The following FAM161A variants were observed in gnomAD, a reference collection of about 807,000 sequenced individuals.
FAM161A encodes the protein FAM161 centrosomal protein A.
FAM161A carries 57 observed loss-of-function variants against 70.9 expected under a neutral mutation model. The ratio of observed to expected loss-of-function variants is 0.80; its 90% confidence interval spans 0.65 to 1.00. FAM161A has a LOEUF of 1.00. FAM161A is among the 50% of genes least tolerant of loss of function. FAM161A has a pLI of 0.00. For synonymous variants in FAM161A, 299 were observed against 295.7 expected (o/e 1.01, Z -0.12); for missense variants, 880 against 836.0 (o/e 1.05, Z -0.65).
intron 5 of FAM161A, among the ~76,000 whole-genome samples, chr2:61,830,346 C>T (rs1672520534): frequency 1.3e-5 from 2 of 152,092 alleles, no homozygotes; most frequent in South Asian, 4.2e-4. Flanking sequence ...CTCTCAATGA[C>T]CAGCTGAATG....
downstream of FAM161A, chr2:61,820,489 C>T: frequency 1.3e-6 from 1 of 754,618 alleles, no homozygotes; most frequent in Non-Finnish European, 2.4e-6. Flanking sequence ...TTCTCAAAGA[C>T]CAGGTGCCCA....
At chr2:61,801,461 T>C in the FAM161A span, among the ~76,000 whole-genome samples, 8 of 149,742 alleles carry the variant, frequency 5.3e-5, no homozygotes, top group African/African-American at 1.7e-4. Flanking sequence ...CATGCCACTG[T>C]AGTCCAGCCT....
chr2:61,808,122 C>G, the FAM161A span, among the ~76,000 whole-genome samples: 1 of 152,132 alleles, frequency 6.6e-6, no homozygotes, highest in Non-Finnish European at 1.5e-5. Flanking sequence ...AGTGACATGG[C>G]CACCTGCTGT....
downstream of FAM161A, among the ~76,000 whole-genome samples, chr2:61,822,883 C>T (rs1276147164): frequency 2.0e-5 from 3 of 152,054 alleles, no homozygotes; most frequent in Non-Finnish European, 2.9e-5. Flanking sequence ...AGCCGCTGCA[C>T]CCGGCCTGAA....
chr2:61,827,634 G>T (rs1572858868), intron 5 of FAM161A, among the ~76,000 whole-genome samples: 1 of 149,344 alleles, frequency 6.7e-6, no homozygotes, highest in African/African-American at 2.5e-5. Context: ...AAAAAATATG[G>T]ATTAAAAGTA....
At chr2:61,848,850 TTATATATATATTTA>T (rs1673332813) in intron 1 of FAM161A, among the ~76,000 whole-genome samples, 5 of 7,862 alleles carry the variant, frequency 6.4e-4, no homozygotes, top group African/African-American at 1.7e-3. Flanking sequence ...ATATATATAT[TTATATATATATTTA>T]TATATATATT....
At chr2:61,813,812 T>C in the FAM161A span, among the ~76,000 whole-genome samples, 1 of 152,092 alleles carries the variant, frequency 6.6e-6, no homozygotes, top group Non-Finnish European at 1.5e-5. Flanking sequence ...TTGATTATTA[T>C]GGATTTATGT....
chr2:61,824,765 A>G, downstream of FAM161A: 1 of 303,272 alleles, frequency 3.3e-6, no homozygotes, highest in South Asian at 3.1e-5. Flanking sequence ...TGTGTTTCAC[A>G]GGCTCCCAAT....
intron 3 of FAM161A, among the ~76,000 whole-genome samples, 187 bp from the exon 4 acceptor site, chr2:61,838,892 A>AT (rs746321568): frequency 7.7e-6 from 1 of 130,278 alleles, no homozygotes; most frequent in African/African-American, 2.7e-5. Flanking sequence ...TTATTTATTT[A>AT]TTTTTTTTGA....
intron 1 of FAM161A, among the ~76,000 whole-genome samples, chr2:61,848,266 T>C (rs1316995358): frequency 6.6e-6 from 1 of 152,214 alleles, no homozygotes; most frequent in Non-Finnish European, 1.5e-5. Context: ...ACTTATGTAC[T>C]GATTTTGCAC....
intron 5 of FAM161A, among the ~76,000 whole-genome samples, 169 bp from the exon 6 acceptor site, chr2:61,827,427 G>A (rs1016576422): frequency 3.3e-5 from 5 of 151,962 alleles, no homozygotes; most frequent in African/African-American, 7.3e-5. Flanking sequence ...TGGCTAACAC[G>A]GTGAAACCCC....
At chr2:61,801,630 G>A in the FAM161A span, among the ~76,000 whole-genome samples, 2 of 149,832 alleles carry the variant, frequency 1.3e-5, no homozygotes, top group Non-Finnish European at 3.0e-5. Context: ...GCAATCGCAC[G>A]ATCTCGGCTC....
At chr2:61,813,504 T>C in the FAM161A span, among the ~76,000 whole-genome samples, 2 of 135,844 alleles carry the variant, frequency 1.5e-5, no homozygotes, top group African/African-American at 5.7e-5. Flanking sequence ...GCTGAGATCA[T>C]GACACTGCAA....
chr2:61,820,214 T>C (rs531905569), downstream of FAM161A: 4 of 581,660 alleles, frequency 6.9e-6, no homozygotes, highest in South Asian at 8.1e-5. Context: ...TCTAAGTCAG[T>C]CTCCTAAACA....
chr2:61,820,068 C>T (rs950240200), downstream of FAM161A: 9 of 290,844 alleles, frequency 3.1e-5, no homozygotes, highest in African/African-American at 1.5e-4. Flanking sequence ...CTACTTTATA[C>T]AGTATATTTA....
chr2:61,841,721 T>G (rs1673026584), intron 2 of FAM161A, among the ~76,000 whole-genome samples: 1 of 152,236 alleles, frequency 6.6e-6, no homozygotes, highest in Admixed American at 6.5e-5. Flanking sequence ...AATTGCAGAC[T>G]ATTTTGAAAA....
chr2:61,815,658 C>G, the FAM161A span, among the ~76,000 whole-genome samples: 1 of 144,196 alleles, frequency 6.9e-6, no homozygotes, highest in Non-Finnish European at 1.5e-5. Context: ...TAAAGCGATT[C>G]TCCTGCCTCA....
At chr2:61,842,449 G>T in intron 1 of FAM161A, 89 bp from the exon 2 acceptor site, 1 of 760,308 alleles carries the variant, frequency 1.3e-6, no homozygotes. Flanking sequence ...TTCTTAAAGA[G>T]TCCACCTAGT....
At chr2:61,805,058 A>T in the FAM161A span, among the ~76,000 whole-genome samples, 1 of 152,040 alleles carries the variant, frequency 6.6e-6, no homozygotes, top group Non-Finnish European at 1.5e-5. Flanking sequence ...CATGAGCCAG[A>T]GATAACATTC....
Sources: allele counts gnomAD v4.1 joint callset (sites outside exome capture counted in the v4.1 genomes callset), GRCh38; gene constraint gnomAD v4.1.1; transcripts MANE v1.5; gene names NCBI Gene and HGNC (gene_info 2026-07-23, HGNC 2026-07-21).